TBC1D12: variants seen among roughly 807,000 people sequenced by gnomAD.
The protein encoded by TBC1D12 is TBC1 domain family member 12.
Under a neutral mutation model 86.7 loss-of-function variants are expected in TBC1D12, and 56 were observed. That is an observed-to-expected ratio of 0.65 (90% CI 0.52 to 0.81). The LOEUF (loss-of-function observed/expected upper bound fraction) is 0.81. Ranked by LOEUF, TBC1D12 falls within the 30% of genes least tolerant of loss-of-function variation. The probability of loss-of-function intolerance (pLI) is 0.00; values close to 1 mark genes in which losing one functional copy is unlikely to be tolerated. For missense variants in TBC1D12, 1,023 were observed against 1,038.8 expected, an observed-to-expected ratio of 0.98 and a Z score of 0.21; for synonymous variants, 421 against 411.7, an observed-to-expected ratio of 1.02 and a Z score of -0.27.
At chr10:94,408,704 TA>T (rs1344708457) in intron 1 of TBC1D12, among the ~76,000 whole-genome samples, 1 of 152,164 alleles carries the variant, frequency 6.6e-6, no homozygotes, top group African/African-American at 2.4e-5. Context: ...ACTTGTTCCA[TA>T]GTGCCTCCAC....
chr10:94,477,638 A>C (rs930107867), intron 3 of TBC1D12, among the ~76,000 whole-genome samples: 1 of 152,166 alleles, frequency 6.6e-6, no homozygotes, highest in Non-Finnish European at 1.5e-5. Flanking sequence ...GAGTAATCTT[A>C]GGTTTCTTCT....
chr10:94,458,797 C>T (rs894147120), intron 2 of TBC1D12, among the ~76,000 whole-genome samples: 3 of 152,150 alleles, frequency 2.0e-5, no homozygotes, highest in East Asian at 1.9e-4. Flanking sequence ...GTTGTTCGTA[C>T]CTTCCATCTG....
intron 1 of TBC1D12, among the ~76,000 whole-genome samples, chr10:94,409,249 G>A (rs1198463289): frequency 6.6e-6 from 1 of 152,082 alleles, no homozygotes; most frequent in Non-Finnish European, 1.5e-5. Flanking sequence ...CATTCAGCTG[G>A]CAGATTAGAG....
chr10:94,528,236 A>G (rs945503554), intron 11 of TBC1D12, among the ~76,000 whole-genome samples: 5 of 151,986 alleles, frequency 3.3e-5, no homozygotes, highest in African/African-American at 7.2e-5. Flanking sequence ...ATTTGTTTGT[A>G]TCCTCTTCAG....
At chr10:94,406,222 A>AT (rs1224903888) in intron 1 of TBC1D12, among the ~76,000 whole-genome samples, 6 of 151,896 alleles carry the variant, frequency 4.0e-5, no homozygotes, top group African/African-American at 7.3e-5. Context: ...TAATTTGTAA[A>AT]TTTTTTTTAC....
At chr10:94,526,677 A>G (rs913611783) in intron 11 of TBC1D12, among the ~76,000 whole-genome samples, 2 of 152,116 alleles carry the variant, frequency 1.3e-5, no homozygotes, top group Non-Finnish European at 2.9e-5. Flanking sequence ...GCTATTGTGA[A>G]TAGTGCTGCA....
intron 8 of TBC1D12, 129 bp from the exon 9 acceptor site, chr10:94,511,454 A>G: frequency 4.4e-6 from 3 of 679,610 alleles, no homozygotes; most frequent in East Asian, 2.8e-5. Flanking sequence ...GAGTACATTT[A>G]TAATATTTTT....
chr10:94,407,675 C>CAAA (rs35188808), intron 1 of TBC1D12, among the ~76,000 whole-genome samples: 7 of 138,476 alleles, frequency 5.1e-5, no homozygotes, highest in African/African-American at 1.3e-4. Context: ...GATTCCGTCT[C>CAAA]AAAAAAAAAA....
chr10:94,427,793 T>A (rs2134070466), intron 1 of TBC1D12, among the ~76,000 whole-genome samples: 2 of 134,164 alleles, frequency 1.5e-5, no homozygotes, highest in Non-Finnish European at 1.5e-5. Flanking sequence ...GATTGTGCCA[T>A]TGCACTCCAG....
chr10:94,483,671 C>T (rs1043575613), intron 3 of TBC1D12, among the ~76,000 whole-genome samples: 3 of 152,046 alleles, frequency 2.0e-5, no homozygotes, highest in Non-Finnish European at 4.4e-5. Flanking sequence ...TTATATTAAT[C>T]CCTTGTCAGA....
At chr10:94,468,899 G>T (rs761918698) in intron 2 of TBC1D12, among the ~76,000 whole-genome samples, 10 of 152,024 alleles carry the variant, frequency 6.6e-5, no homozygotes, top group Non-Finnish European at 1.5e-4. Context: ...TTCTCAAGTT[G>T]ATTGATAACA....
intron 1 of TBC1D12, 42 bp downstream of exon 1, chr10:94,403,626 C>T: frequency 1.4e-6 from 2 of 1,383,560 alleles, no homozygotes; most frequent in South Asian, 3.4e-5. Flanking sequence ...GGTCCGGGGC[C>T]GGGGCCGGAG....
chr10:94,409,548 G>T lies in TBC1D12; in HGVS notation c.971+5964G>T, dbSNP rs1487240946. The stretch of plus-strand genomic sequence containing the variant: ...CACTACGACCTGCTAATTTTGTTTT[G>T]TATTTTTTATAGAGACAGGGTTTTG... On this transcript the variant is annotated intron_variant, in intron 1 of 12. Coordinates refer to ENST00000225235, the MANE Select transcript of TBC1D12 (RefSeq NM_015188.2). Among the ~76,000 whole-genome samples, 4 of 151,726 alleles carry T rather than the reference G, an allele frequency of 2.6e-5. No homozygotes were observed. The East Asian group carries it at 7.7e-4, about 29-fold the overall frequency.
intron 3 of TBC1D12, among the ~76,000 whole-genome samples, chr10:94,486,136 C>CT (rs760373766): frequency 0.12 from 14,319 of 116,930 alleles, 833 homozygotes; most frequent in South Asian, 0.21. Context: ...TCTTCTTCTT[C>CT]TTCTTTTTTT....
rs569562651 is a variant in TBC1D12, at chr10:94,444,007, C to A, written c.1095+1988C>A. Among the ~76,000 whole-genome samples the A allele has an allele frequency of 2.6e-5, 4 of 151,684 alleles. No homozygotes were observed. In the South Asian group the frequency reaches 8.3e-4, roughly 32 times the overall value. ...CAACATGGTGAAACCCTGTCTCTACCAAAAATACAAAAAATTAGCCAGGCA... is the reference window on the plus strand; with the variant it reads ...CAACATGGTGAAACCCTGTCTCTACAAAAAATACAAAAAATTAGCCAGGCA... On this transcript the variant is annotated intron_variant, in intron 2 of 12. Transcript: ENST00000225235.
At chr10:94,493,490 TAAG>T (rs1422522624) in intron 4 of TBC1D12, 43 bp downstream of exon 4, 1 of 1,332,322 alleles carries the variant, frequency 7.5e-7, no homozygotes, top group African/African-American at 1.5e-5. Flanking sequence ...CTGATTTTAA[TAAG>T]AAGATGGATG....
intron 3 of TBC1D12, among the ~76,000 whole-genome samples, chr10:94,484,081 C>T (rs1564970407): frequency 6.6e-6 from 1 of 152,052 alleles, no homozygotes; most frequent in Admixed American, 6.6e-5. Context: ...TCAAAAATGA[C>T]AGATTATCAG....
chr10:94,450,258 C>A (rs992690699), intron 2 of TBC1D12, among the ~76,000 whole-genome samples: 1 of 151,892 alleles, frequency 6.6e-6, no homozygotes, highest in East Asian at 1.9e-4. Flanking sequence ...TCATATGTAA[C>A]TATAATATTG....
In TBC1D12 at chr10:94,402,780, A is replaced by AGGAGGC; in HGVS notation, c.168_173dup (p.Glu57_Ala58dup). 1 of 1,547,058 alleles carries AGGAGGC rather than the reference A, an allele frequency of 6.5e-7. No individual in the cohort carries two copies. The highest frequency in any genetic ancestry group is 1.2e-5 in the South Asian group (1 of 84,018). Reference sequence around the variant, plus strand: ...CCGCCGGAGGAGGCTGACGAGGAGGAGGAGGCTGACGAGGAGGAGGAGACG... The same window carrying AGGAGGC: ...CCGCCGGAGGAGGCTGACGAGGAGGAGGAGGCGGAGGCTGACGAGGAGGAGGAGACG... On this transcript the variant is annotated inframe_insertion, in exon 1 of 13. Coordinates refer to ENST00000225235, the MANE Select transcript of TBC1D12 (RefSeq NM_015188.2).
Sources: allele counts gnomAD v4.1 joint callset (sites outside exome capture counted in the v4.1 genomes callset), GRCh38; gene constraint gnomAD v4.1.1; transcripts MANE v1.5; gene names NCBI Gene and HGNC (gene_info 2026-07-23, HGNC 2026-07-21).